Variants in IGSF21 observed in about 807,000 individuals in gnomAD.
IGSF21 encodes immunoglobin superfamily member 21.
In IGSF21, 28 loss-of-function variants were observed where a neutral mutation model predicts 46.8. That is an observed-to-expected ratio of 0.60 (90% confidence interval 0.44 to 0.82). IGSF21 has a LOEUF of 0.82. Ranked by LOEUF, IGSF21 falls within the 40% of genes least tolerant of loss-of-function variation. The pLI is 0.00. For synonymous variants in IGSF21, 284 were observed against 273.6 expected, an observed-to-expected ratio of 1.04 and a Z score of -0.38; for missense variants, 624 against 665.5, an observed-to-expected ratio of 0.94 and a Z score of 0.69.
At chr1:18,190,936 TG>T (rs1200567447) in intron 1 of IGSF21, among the ~76,000 whole-genome samples, 2 of 151,898 alleles carry the variant, frequency 1.3e-5, no homozygotes, top group African/African-American at 4.8e-5. Flanking sequence ...GTGGAGGAGC[TG>T]GGGGGCATCA....
rs74799805 is a variant in IGSF21, at chr1:18,324,489, G to A, written c.306-10403G>A. 2.7e-3 allele frequency among the ~76,000 whole-genome samples: 404 copies of A among 152,262 alleles called. 1 individual carries two copies. The highest frequency in any genetic ancestry group is 0.01 in the Middle Eastern group (3 of 294). The stretch of plus-strand genomic sequence containing the variant: ...GCCCCCATTTCCCAGAACCTTTGAC[G>A]GATCACCTGGTCCAGGTGGCCCGGC... On this transcript the variant is annotated intron_variant, in intron 3 of 9. Transcript: ENST00000251296.
intron 2 of IGSF21, among the ~76,000 whole-genome samples, chr1:18,234,700 C>A (rs2084657612): frequency 6.6e-6 from 1 of 152,118 alleles, no homozygotes; most frequent in African/African-American, 2.4e-5. Flanking sequence ...TGTGAGAACT[C>A]ACTATCATGA....
At chr1:18,312,552 T>G (rs2085499753) in intron 3 of IGSF21, among the ~76,000 whole-genome samples, 1 of 152,200 alleles carries the variant, frequency 6.6e-6, no homozygotes. Flanking sequence ...TCTGCTTCCT[T>G]GCCTTTTGCA....
chr1:18,156,091 C>T (rs2086566037), intron 1 of IGSF21, among the ~76,000 whole-genome samples: 1 of 152,210 alleles, frequency 6.6e-6, no homozygotes, highest in Non-Finnish European at 1.5e-5. Flanking sequence ...ACGCGACAGG[C>T]TGGCTTCTAT....
chr1:18,133,813 G>A (rs2086344396), intron 1 of IGSF21, among the ~76,000 whole-genome samples: 1 of 152,256 alleles, frequency 6.6e-6, no homozygotes, highest in Admixed American at 6.5e-5. Context: ...TGTTGGCTTG[G>A]TCACTGCAGG....
At chr1:18,367,841 G>A (rs1212121305) in intron 6 of IGSF21, among the ~76,000 whole-genome samples, 1 of 151,652 alleles carries the variant, frequency 6.6e-6, no homozygotes, top group Non-Finnish European at 1.5e-5. Flanking sequence ...CCAACCTCAG[G>A]TGATCCACCT....
chr1:18,161,593 C>A (rs1356123573), intron 1 of IGSF21, among the ~76,000 whole-genome samples: 2 of 152,154 alleles, frequency 1.3e-5, no homozygotes, highest in Admixed American at 6.5e-5. Context: ...GGAGAACAAA[C>A]AAGCCTGAAC....
chr1:18,142,439 C>T (rs1318105914), intron 1 of IGSF21, among the ~76,000 whole-genome samples: 1 of 152,152 alleles, frequency 6.6e-6, no homozygotes, highest in African/African-American at 2.4e-5. Context: ...GTCAGATGTT[C>T]TACCCTTACT....
intron 2 of IGSF21, among the ~76,000 whole-genome samples, chr1:18,256,537 G>A (rs2084894186): frequency 6.6e-6 from 1 of 152,104 alleles, no homozygotes. Context: ...TCAGCAAGGG[G>A]CAGCCTCACT....
intron 4 of IGSF21, among the ~76,000 whole-genome samples, chr1:18,358,520 C>CG (rs1557659064): frequency 6.6e-6 from 1 of 152,012 alleles, no homozygotes; most frequent in African/African-American, 2.4e-5. Flanking sequence ...GGCTGCTCTA[C>CG]GGGACAGCCC....
intron 1 of IGSF21, among the ~76,000 whole-genome samples, chr1:18,128,354 C>A (rs1166948552): frequency 6.6e-6 from 1 of 152,084 alleles, no homozygotes; most frequent in Admixed American, 6.6e-5. Context: ...GGAGGAGGTG[C>A]CTTATGAGAT....
intron 1 of IGSF21, among the ~76,000 whole-genome samples, chr1:18,134,033 G>A (rs554307182): frequency 2.0e-5 from 3 of 152,320 alleles, no homozygotes; most frequent in South Asian, 2.1e-4. Context: ...AGACAGCAGT[G>A]AGCAGCATGG....
At chr1:18,364,270 GA>G (rs2086135132) in intron 5 of IGSF21, among the ~76,000 whole-genome samples, 1 of 151,700 alleles carries the variant, frequency 6.6e-6, no homozygotes, top group African/African-American at 2.4e-5. Context: ...TTTTCAAAAA[GA>G]AAAAAGGAAA....
intron 2 of IGSF21, among the ~76,000 whole-genome samples, chr1:18,249,847 C>T (rs977754749): frequency 1.2e-4 from 18 of 152,210 alleles, no homozygotes; most frequent in Admixed American, 5.9e-4. Context: ...CAGGCCCTGG[C>T]TCTGGACCAC....
Position 18,218,753 on chromosome 1 carries a change from A to G in IGSF21, c.71-9145A>G, listed in dbSNP as rs536025160. ...TGGGGAAAGAAAATCAGTAGACTAC[A>G]ATGATGAGATGGCACAGATGGTTGA... On this transcript the variant is annotated intron_variant, in intron 1 of 9. Coordinates refer to ENST00000251296, the MANE Select transcript of IGSF21 (RefSeq NM_032880.5). 9.2e-5 allele frequency among the ~76,000 whole-genome samples: 14 copies of G among 152,368 alleles called. No individual in the cohort carries two copies. In the South Asian group the frequency reaches 2.7e-3, roughly 29 times the overall value.
intron 1 of IGSF21, among the ~76,000 whole-genome samples, chr1:18,143,705 T>C (rs1248928928): frequency 6.6e-6 from 1 of 152,122 alleles, no homozygotes; most frequent in Non-Finnish European, 1.5e-5. Flanking sequence ...TTTCGTGTCT[T>C]TCAGAAAGTC....
At chr1:18,137,588 TCCCTCC>T (rs916604952) in intron 1 of IGSF21, among the ~76,000 whole-genome samples, 87 of 152,096 alleles carry the variant, frequency 5.7e-4, no homozygotes, top group African/African-American at 1.9e-3. Context: ...AACTCCAAAG[TCCCTCC>T]TTTGTACAGT....
chr1:18,356,792 G>T (rs187868863), intron 4 of IGSF21, among the ~76,000 whole-genome samples: 1 of 152,132 alleles, frequency 6.6e-6, no homozygotes, highest in Admixed American at 6.5e-5. Context: ...TGAGGATAGA[G>T]ATGTGATAGA....
chr1:18,338,524 T>C (rs1298071010), intron 4 of IGSF21, among the ~76,000 whole-genome samples: 3 of 152,110 alleles, frequency 2.0e-5, no homozygotes, highest in African/African-American at 4.8e-5. Context: ...GCCGAGGAGC[T>C]GGGGACGGCC....
Sources: allele counts gnomAD v4.1 joint callset (sites outside exome capture counted in the v4.1 genomes callset), GRCh38; gene constraint gnomAD v4.1.1; transcripts MANE v1.5; gene names NCBI Gene and HGNC (gene_info 2026-07-23, HGNC 2026-07-21).